CCDC77: variants seen among roughly 807,000 people sequenced by gnomAD.
CCDC77 encodes coiled-coil domain-containing protein 77.
CCDC77 carries 56 observed loss-of-function variants against 66.8 expected under a neutral mutation model. That is an observed-to-expected ratio of 0.84 (90% confidence interval 0.68 to 1.05). CCDC77 has a LOEUF of 1.05. Ranked by LOEUF, CCDC77 falls within the 50% of genes least tolerant of loss-of-function variation. The probability of loss-of-function intolerance (pLI) is 0.00; values close to 1 mark genes in which losing one functional copy is unlikely to be tolerated. For synonymous variants in CCDC77, 196 were observed against 195.2 expected, an observed-to-expected ratio of 1.00 and a Z score of -0.03; for missense variants, 570 against 576.8, an observed-to-expected ratio of 0.99 and a Z score of 0.12.
chr12:441,118 C>A, intron 12 of CCDC77, 122 bp downstream of exon 12: 2 of 988,258 alleles, frequency 2.0e-6, no homozygotes, highest in Non-Finnish European at 1.5e-6. Context: ...AACAGATCAC[C>A]ATCTTCAAGC....
intron 1 of CCDC77, among the ~76,000 whole-genome samples, chr12:393,951 T>C (rs1944793810): frequency 6.6e-6 from 1 of 152,216 alleles, no homozygotes. Context: ...ACATGTATTA[T>C]TATATAATAT....
At chr12:427,268 C>T (rs1358426777) in intron 5 of CCDC77, among the ~76,000 whole-genome samples, 1 of 151,084 alleles carries the variant, frequency 6.6e-6, no homozygotes, top group Non-Finnish European at 1.5e-5. Flanking sequence ...AAAACGGACT[C>T]GGGCCTGAAA....
intron 1 of CCDC77, among the ~76,000 whole-genome samples, chr12:390,320 T>G (rs1944733046): frequency 6.6e-6 from 1 of 152,176 alleles, no homozygotes; most frequent in South Asian, 2.1e-4. Flanking sequence ...AGAATTCATC[T>G]TGTCACTTTT....
intron 9 of CCDC77, chr12:436,860 C>T (rs1019671931): frequency 7.9e-6 from 4 of 505,818 alleles, no homozygotes; most frequent in Non-Finnish European, 1.0e-5. Flanking sequence ...TGTATTTTAA[C>T]AAGCCTATAG....
chr12:395,139 C>CA (rs1463878511), intron 1 of CCDC77: 1 of 152,140 alleles, frequency 6.6e-6, no homozygotes, highest in Non-Finnish European at 1.5e-5. Flanking sequence ...AGTGCAATGG[C>CA]ATTATCTTGG....
chr12:405,703 G>C (rs528786470), intron 2 of CCDC77, 139 bp downstream of exon 2: 2 of 152,170 alleles, frequency 1.3e-5, no homozygotes, highest in African/African-American at 4.8e-5. Context: ...TGAATAGACT[G>C]GCCAGCAGAA....
At chr12:439,801 T>C (rs1458902993) in intron 10 of CCDC77, among the ~76,000 whole-genome samples, 7 of 151,668 alleles carry the variant, frequency 4.6e-5, no homozygotes, top group Non-Finnish European at 5.9e-5. Flanking sequence ...AAGAAAAAAT[T>C]ATAGATTATA....
chr12:403,822 G>A (rs994789202), intron 1 of CCDC77, among the ~76,000 whole-genome samples: 5 of 152,174 alleles, frequency 3.3e-5, no homozygotes. Context: ...ACAGGGTCTT[G>A]CGCTGTTGTC....
intron 1 of CCDC77, among the ~76,000 whole-genome samples, chr12:393,269 C>G (rs1944782426): frequency 6.6e-6 from 1 of 151,982 alleles, no homozygotes; most frequent in South Asian, 2.1e-4. Flanking sequence ...CATCGTTATG[C>G]CCAGCTAATT....
rs1945120422 is a variant in CCDC77, at chr12:411,969, T to C, written c.261T>C (p.Cys87=). ...AACTGGAACTCTACAAAGAAGCTTG[T>C]GAAGGACAGGTAAAGAAACGATGCT... ...LKKLELYKEA[C]EGQHKLECDL... Residue 87 remains cysteine, a synonymous_variant, in exon 4 of 13, where the codon TGT becomes TGC. Coordinates refer to ENST00000239830, the MANE Select transcript of CCDC77 (RefSeq NM_032358.4). 1.2e-6 allele frequency: 2 copies of C among 1,612,572 alleles called. No homozygotes were observed. The highest frequency in any genetic ancestry group is 2.7e-5 in the African/African-American group (2 of 74,932).
At chr12:423,487 T>TTTTTTTTTTTTTTTTTTTTC (rs1945466636) in intron 5 of CCDC77, among the ~76,000 whole-genome samples, 2 of 31,626 alleles carry the variant, frequency 6.3e-5, no homozygotes, top group Non-Finnish European at 6.4e-5. Flanking sequence ...GTGTTTTTTT[T>TTTTTTTTTTTTTTTTTTTTC]TGTTTTGTTT....
At chr12:427,218 C>A (rs925933514) in intron 5 of CCDC77, among the ~76,000 whole-genome samples, 6 of 151,552 alleles carry the variant, frequency 4.0e-5, no homozygotes, top group Non-Finnish European at 8.8e-5. Context: ...GCACTCCAGC[C>A]TGGGCGACAG....
chr12:390,502 C>T (rs552165837), intron 1 of CCDC77, among the ~76,000 whole-genome samples: 2 of 152,130 alleles, frequency 1.3e-5, no homozygotes, highest in Non-Finnish European at 2.9e-5. Context: ...CTTTGAATAA[C>T]GCAGATTGCC....
At chr12:406,898 G>C (rs1178175653) in intron 2 of CCDC77, among the ~76,000 whole-genome samples, 1 of 152,228 alleles carries the variant, frequency 6.6e-6, no homozygotes, top group East Asian at 1.9e-4. Flanking sequence ...AGTGAGCCGA[G>C]ATTGCGCCAT....
chr12:400,322 A>T (rs1007424799), upstream of CCDC77, among the ~76,000 whole-genome samples: 9 of 152,150 alleles, frequency 5.9e-5, no homozygotes, highest in Non-Finnish European at 1.0e-4. Flanking sequence ...CTTTCTTATC[A>T]TTTTTGTGTT....
At chr12:409,504 T>C in intron 3 of CCDC77, 83 bp downstream of exon 3, 1 of 1,288,630 alleles carries the variant, frequency 7.8e-7, no homozygotes, top group Non-Finnish European at 1.1e-6. Flanking sequence ...GGAAAGGTAT[T>C]GGAAACATAT....
intron 2 of CCDC77, among the ~76,000 whole-genome samples, chr12:407,003 C>G (rs1945006222): frequency 6.6e-6 from 1 of 152,124 alleles, no homozygotes; most frequent in Non-Finnish European, 1.5e-5. Flanking sequence ...GTCATCTGGG[C>G]AACAGATAGC....
chr12:420,461 A>T (rs1273349467), intron 5 of CCDC77, among the ~76,000 whole-genome samples: 30 of 58,462 alleles, frequency 5.1e-4, no homozygotes, highest in African/African-American at 1.2e-3. Flanking sequence ...ATTACAGTGC[A>T]CTTCTGTGTG....
At chr12:439,519 CA>C (rs371144805) in intron 10 of CCDC77, among the ~76,000 whole-genome samples, 145 of 137,834 alleles carry the variant, frequency 1.1e-3, no homozygotes, top group Non-Finnish European at 8.8e-4. Flanking sequence ...GACTCCATCT[CA>C]AAAAAAAAAA....
Sources: gnomAD v4.1 joint callset for allele counts (sites outside exome capture counted in the v4.1 genomes callset) on GRCh38, gnomAD v4.1.1 for gene constraint, MANE v1.5 for transcripts, NCBI Gene and HGNC (gene_info 2026-07-23, HGNC 2026-07-21) for gene names.